The following KLHDC4 variants were observed in gnomAD, a reference collection of about 807,000 sequenced individuals.
KLHDC4 encodes the protein kelch domain-containing protein 4.
In KLHDC4, 90 loss-of-function variants were observed where a neutral mutation model predicts 62.4. The ratio of observed to expected loss-of-function variants is 1.44; its 90% CI spans 1.22 to 1.72. The LOEUF (loss-of-function observed/expected upper bound fraction) is 1.72, where lower values mean the gene tolerates loss of function less well. KLHDC4 is among the 40% of genes most tolerant of loss of function. The probability of loss-of-function intolerance (pLI) is 0.00; values close to 1 mark genes in which losing one functional copy is unlikely to be tolerated. For missense variants in KLHDC4, 1,025 were observed against 699.7 expected (o/e 1.47, Z -5.25); for synonymous variants, 386 against 284.4 (o/e 1.36, Z -3.59).
chr16:87,728,980 T>C (rs1892231679), intron 6 of KLHDC4, among the ~76,000 whole-genome samples: 1 of 152,170 alleles, frequency 6.6e-6, no homozygotes, highest in South Asian at 2.1e-4. Flanking sequence ...TTTTGCCATG[T>C]TGGCCAGGCT....
At chr16:87,752,915 T>C (rs1030867531) in intron 4 of KLHDC4, among the ~76,000 whole-genome samples, 4 of 151,916 alleles carry the variant, frequency 2.6e-5, no homozygotes, top group African/African-American at 9.7e-5. Context: ...CCAGACGAAA[T>C]CTAGGAAGCA....
At chr16:87,750,070 A>G (rs1471297235) in intron 4 of KLHDC4, among the ~76,000 whole-genome samples, 2 of 152,086 alleles carry the variant, frequency 1.3e-5, no homozygotes, top group Non-Finnish European at 2.9e-5. Context: ...GCTACTCCAC[A>G]TGAGGCCCTC....
At chr16:87,704,281 C>T (rs574233119), downstream of KLHDC4, among the ~76,000 whole-genome samples, 13 of 146,426 alleles carry the variant, frequency 8.9e-5, no homozygotes, top group African/African-American at 3.4e-4. Flanking sequence ...GGGAAGGAGG[C>T]GCCTGGGGAG....
At chr16:87,765,764 G>T in intron 1 of KLHDC4, 28 bp downstream of exon 1, 6 of 1,553,228 alleles carry the variant, frequency 3.9e-6, no homozygotes, top group Non-Finnish European at 5.2e-6. Context: ...GCGACGTCGG[G>T]CCGCTAAGCC....
At chr16:87,735,038 C>CA (rs1272271648) in intron 5 of KLHDC4, among the ~76,000 whole-genome samples, 2 of 136,604 alleles carry the variant, frequency 1.5e-5, no homozygotes. Flanking sequence ...ACGCCCCCTC[C>CA]CCCCCAGACG....
exon 1 of KLHDC4, chr16:87,699,690 CTG>C: frequency 6.6e-6 from 1 of 152,440 alleles, no homozygotes. Context: ...CAGAGTGAGT[CTG>C]TCTCAAAAAC....
intron 3 of KLHDC4, 72 bp downstream of exon 3, chr16:87,756,327 T>C (rs764755202): frequency 1.3e-5 from 15 of 1,161,304 alleles, no homozygotes; most frequent in Non-Finnish European, 1.8e-5. Context: ...TTGATGTCAC[T>C]GCCTTAAGTT....
intron 5 of KLHDC4, chr16:87,740,009 A>AC (rs2042008896): frequency 6.6e-6 from 1 of 152,194 alleles, no homozygotes; most frequent in South Asian, 2.1e-4. Flanking sequence ...CTGTTATGAA[A>AC]CACCTATCGG....
At chr16:87,756,907 G>A (rs1354783461) in intron 2 of KLHDC4, among the ~76,000 whole-genome samples, 1 of 151,786 alleles carries the variant, frequency 6.6e-6, no homozygotes, top group African/African-American at 2.4e-5. Context: ...TCCAACTCCT[G>A]GGTTCAAGCA....
chr16:87,759,689 G>T (rs956060610), intron 2 of KLHDC4, among the ~76,000 whole-genome samples: 2 of 151,990 alleles, frequency 1.3e-5, no homozygotes, highest in Non-Finnish European at 2.9e-5. Flanking sequence ...ACAGTGAGCC[G>T]AGATCGTGCC....
intron 7 of KLHDC4, 30 bp from the exon 8 acceptor site, chr16:87,714,603 G>A (rs777215714): frequency 8.1e-6 from 13 of 1,609,736 alleles, no homozygotes; most frequent in South Asian, 4.4e-5. Context: ...TGTGAGAACC[G>A]GGGGCAGCTA....
intron 9 of KLHDC4, 190 bp downstream of exon 9, chr16:87,711,045 G>T: frequency 1.6e-6 from 1 of 606,370 alleles, no homozygotes; most frequent in Non-Finnish European, 2.9e-6. Flanking sequence ...GACAGACTAA[G>T]GGGACCGTGA....
At position 87,707,927 on chromosome 16, in the gene KLHDC4, G is replaced by C; in HGVS notation, c.*150C>G. On this transcript the variant is annotated 3_prime_UTR_variant, in exon 12 of 12. Coordinates refer to ENST00000270583, the MANE Select transcript of KLHDC4 (RefSeq NM_017566.4). ...CCGCGTCAGAGACTAAACCATGGGA[G>C]AAAGTTCACACCCTGGCCTGGGCCA... 2.2e-6 allele frequency: 1 copy of C among 462,918 alleles called. No homozygotes were observed. Among genetic ancestry groups the C allele is most frequent in the Non-Finnish European group, 4.3e-6 (1 of 231,398 alleles). The allele number at this position is 462,918 out of a possible 1,614,324, so 28.7% of individuals were successfully genotyped here.
chr16:87,761,029 T>C (rs2045810514), intron 2 of KLHDC4, among the ~76,000 whole-genome samples: 2 of 151,456 alleles, frequency 1.3e-5, no homozygotes, highest in Admixed American at 1.3e-4. Context: ...TGAGACTCCA[T>C]CTCAAAAAGA....
intron 6 of KLHDC4, chr16:87,729,266 AT>A (rs2039915765): frequency 6.6e-6 from 1 of 152,184 alleles, no homozygotes; most frequent in African/African-American, 2.4e-5. Flanking sequence ...GTACAGACTT[AT>A]CACGATGGAT....
chr16:87,749,906 G>C (rs911721741), intron 4 of KLHDC4, among the ~76,000 whole-genome samples: 1 of 152,174 alleles, frequency 6.6e-6, no homozygotes, highest in Non-Finnish European at 1.5e-5. Context: ...GATTAATAAA[G>C]ACTCAGCACC....
chr16:87,721,540 C>T (rs894551387), intron 7 of KLHDC4, among the ~76,000 whole-genome samples: 1 of 151,806 alleles, frequency 6.6e-6, no homozygotes, highest in African/African-American at 2.4e-5. Flanking sequence ...GCTGAGACAA[C>T]CTGCAGCCGG....
rs898580536 is a variant in KLHDC4 at position 87,711,329 on chromosome 16, T to C, written c.950A>G (p.Asp317Gly). Residue 317 changes from aspartate to glycine, a missense_variant, in exon 9 of 12, where the codon GAC (aspartate) becomes GGC (glycine). Transcript: ENST00000270583. ...CGACAGGCTCTCCTCCTCTTCCTCG[T>C]CACAGACACCCCCGAAGAACAGTGT... ...HQTLFFGGVC[D>G]EEEEESLSGE... 7 of 1,614,008 alleles carry C rather than the reference T, an allele frequency of 4.3e-6. No individual in the cohort carries two copies. The South Asian group carries it at 5.5e-5, about 13-fold the overall frequency.
chr16:87,749,284 G>A (rs540560350), intron 4 of KLHDC4, among the ~76,000 whole-genome samples: 57 of 152,170 alleles, frequency 3.7e-4, no homozygotes, highest in African/African-American at 1.2e-3. Flanking sequence ...TGCCAGGCGC[G>A]GTGGCTCACA....
Sources: allele counts gnomAD v4.1 joint callset (sites outside exome capture counted in the v4.1 genomes callset), GRCh38; gene constraint gnomAD v4.1.1; transcripts MANE v1.5; gene names NCBI Gene and HGNC (gene_info 2026-07-23, HGNC 2026-07-21).